The following RASGRF2 variants were observed in gnomAD, a reference collection of about 807,000 sequenced individuals.
The protein encoded by RASGRF2 is ras-specific guanine nucleotide-releasing factor 2.
In RASGRF2, 76 loss-of-function variants were observed where a neutral mutation model predicts 151.0. The ratio of observed to expected loss-of-function variants is 0.50; its 90% CI spans 0.42 to 0.61. The LOEUF (loss-of-function observed/expected upper bound fraction) is 0.61, where lower values mean the gene tolerates loss of function less well. Among genes scored for constraint, RASGRF2 ranks in the 20% least tolerant of loss-of-function variants. RASGRF2 has a pLI of 0.00. For synonymous variants in RASGRF2, 504 were observed against 566.5 expected, an observed-to-expected ratio of 0.89 and a Z score of 1.57; for missense variants, 1,148 against 1,564.6, an observed-to-expected ratio of 0.73 and a Z score of 4.49.
chr5:81,153,428 T>A (rs1754182382), intron 17 of RASGRF2, among the ~76,000 whole-genome samples: 1 of 151,894 alleles, frequency 6.6e-6, no homozygotes, highest in African/African-American at 2.4e-5. Flanking sequence ...ATAGCTGGCT[T>A]TGGAGGATGC....
At chr5:81,074,252 A>G (rs187297224) in intron 5 of RASGRF2, among the ~76,000 whole-genome samples, 1 of 152,322 alleles carries the variant, frequency 6.6e-6, no homozygotes, top group African/African-American at 2.4e-5. Context: ...GAAGATAGAC[A>G]ATGAACAGCA....
At chr5:81,082,210 C>G (rs1324303554) in intron 7 of RASGRF2, among the ~76,000 whole-genome samples, 2 of 151,736 alleles carry the variant, frequency 1.3e-5, no homozygotes, top group Admixed American at 1.3e-4. Flanking sequence ...CTATTTAATT[C>G]CCTCTTGGTG....
chr5:81,196,911 A>T (rs1169722553), intron 18 of RASGRF2, among the ~76,000 whole-genome samples: 1 of 152,246 alleles, frequency 6.6e-6, no homozygotes, highest in Non-Finnish European at 1.5e-5. Flanking sequence ...TTAACCGTTT[A>T]CAAACATCCC....
chr5:81,171,150 C>T (rs1380217611), intron 17 of RASGRF2, among the ~76,000 whole-genome samples: 1 of 152,124 alleles, frequency 6.6e-6, no homozygotes, highest in African/African-American at 2.4e-5. Context: ...CGGTGGCCAT[C>T]CCCCTCTCCT....
chr5:81,092,431 A>G (rs1752416791), intron 9 of RASGRF2, among the ~76,000 whole-genome samples: 1 of 152,136 alleles, frequency 6.6e-6, no homozygotes, highest in Non-Finnish European at 1.5e-5. Context: ...ATATTATTCT[A>G]TATAATTATG....
intron 17 of RASGRF2, among the ~76,000 whole-genome samples, chr5:81,133,937 G>A (rs763823465): frequency 1.3e-5 from 2 of 152,130 alleles, no homozygotes; most frequent in South Asian, 2.1e-4. Context: ...GGCTTGGATC[G>A]GTTTTTTAAA....
In RASGRF2 at chr5:81,208,582, C is replaced by T. The variant is rs540746856; in HGVS notation, c.3156+144C>T. The T allele has an allele frequency of 3.1e-4, 164 of 528,242 alleles. 2 individuals carry two copies. The African/African-American group carries it at 3.4e-3, about 11-fold the overall frequency. 32.7% of individuals were successfully genotyped at this position (528,242 alleles called of 1,614,324 possible). On this transcript the variant is annotated intron_variant, in intron 22 of 26. Coordinates refer to ENST00000265080, the MANE Select transcript of RASGRF2 (RefSeq NM_006909.3). ...TTTTTTTTTTTTTGAGACAGAGTCT[C>T]GCTCTGTCGCCCAGGCTGGAGTGCA...
At chr5:81,214,553 T>C (rs977632857) in intron 23 of RASGRF2, among the ~76,000 whole-genome samples, 10 of 152,214 alleles carry the variant, frequency 6.6e-5, no homozygotes, top group Non-Finnish European at 1.5e-4. Flanking sequence ...TTTGAAACTT[T>C]TTTGAGCAAG....
At chr5:81,037,905 A>AT (rs906418192) in intron 1 of RASGRF2, among the ~76,000 whole-genome samples, 26 of 152,076 alleles carry the variant, frequency 1.7e-4, no homozygotes, top group African/African-American at 5.8e-4. Context: ...ACTTCTTTAT[A>AT]TTTTTCTAAC....
chr5:81,199,871 C>T lies in RASGRF2; in HGVS notation c.2794-1459C>T, dbSNP rs191838746. ...CGAGATCACGTCACTGCACTCCAGC[C>T]CGGGTGACAGAGTGAGACTCCATCT... On this transcript the variant is annotated intron_variant, in intron 18 of 26. Coordinates refer to ENST00000265080, the MANE Select transcript of RASGRF2 (RefSeq NM_006909.3). Among the ~76,000 whole-genome samples, 49 of 136,576 alleles carry T rather than the reference C, an allele frequency of 3.6e-4. 1 individual carries two copies. The highest frequency in any genetic ancestry group is 1.3e-3 in the African/African-American group (46 of 35,796). The allele number at this position is 136,576 out of a possible 152,430, so 89.6% of individuals were successfully genotyped here. A position where few individuals can be genotyped will look rare whatever the true frequency, so the allele number is the denominator to read the frequency against.
chr5:80,985,929 G>A (rs928148046), intron 1 of RASGRF2, among the ~76,000 whole-genome samples: 1 of 151,952 alleles, frequency 6.6e-6, no homozygotes, highest in African/African-American at 2.4e-5. Context: ...CTTTAGGTGT[G>A]TGTGTGTGTG....
At position 81,219,815 on chromosome 5, in the gene RASGRF2, A is replaced by G. The variant is rs777124508; in HGVS notation, c.3621+37A>G. 2.0e-4 allele frequency: 297 copies of G among 1,490,040 alleles called. 1 individual carries two copies. Among genetic ancestry groups the G allele is most frequent in the Non-Finnish European group, 1.9e-5 (21 of 1,078,518 alleles). The allele number at this position is 1,490,040 out of a possible 1,614,324, so 92.3% of individuals were successfully genotyped here. ...TGGCTGTGAAGAAATTAATAAAGAA[A>G]AAAGGGGAAATTAATGAATTAGAAA... is the stretch of plus-strand genomic sequence containing the variant. On this transcript the variant is annotated intron_variant, in intron 26 of 26. Coordinates refer to ENST00000265080, the MANE Select transcript of RASGRF2 (RefSeq NM_006909.3).
chr5:81,078,899 A>G (rs1237344131), intron 5 of RASGRF2, among the ~76,000 whole-genome samples: 1 of 152,204 alleles, frequency 6.6e-6, no homozygotes, highest in Non-Finnish European at 1.5e-5. Context: ...TTCAGAGAAC[A>G]TAGACTAGAT....
intron 12 of RASGRF2, among the ~76,000 whole-genome samples, chr5:81,108,441 T>C (rs1284371506): frequency 6.6e-6 from 1 of 152,190 alleles, no homozygotes; most frequent in Non-Finnish European, 1.5e-5. Flanking sequence ...ACAGCATTAG[T>C]ATCAGTAGGG....
At chr5:81,061,652 G>T (rs1751436573) in intron 2 of RASGRF2, among the ~76,000 whole-genome samples, 1 of 151,362 alleles carries the variant, frequency 6.6e-6, no homozygotes, top group African/African-American at 2.4e-5. Context: ...GGGACTATAG[G>T]TGTATGCTAC....
intron 1 of RASGRF2, among the ~76,000 whole-genome samples, chr5:80,971,213 A>C (rs755813436): frequency 1.9e-4 from 29 of 152,184 alleles, no homozygotes; most frequent in Non-Finnish European, 3.4e-4. Flanking sequence ...CTCCAGAGCT[A>C]ACCTCATGCC....
At chr5:81,077,293 G>A (rs1323608617) in intron 5 of RASGRF2, among the ~76,000 whole-genome samples, 2 of 152,104 alleles carry the variant, frequency 1.3e-5, no homozygotes, top group African/African-American at 2.4e-5. Flanking sequence ...GGTGTTGACC[G>A]AGGTCAATGG....
chr5:81,225,530 T>A (rs1446550724), intron 26 of RASGRF2, 148 bp from the exon 27 acceptor site: 30 of 1,049,120 alleles, frequency 2.9e-5, no homozygotes, highest in East Asian at 1.2e-4. Context: ...TTTTTTTTTT[T>A]AACAATGGAA....
intron 17 of RASGRF2, among the ~76,000 whole-genome samples, chr5:81,158,977 A>G (rs962715034): frequency 6.6e-6 from 1 of 152,222 alleles, no homozygotes; most frequent in African/African-American, 2.4e-5. Flanking sequence ...TGTTCCTACA[A>G]AAACCTATAC....
Sources: gnomAD v4.1 joint callset for allele counts (sites outside exome capture counted in the v4.1 genomes callset) on GRCh38, gnomAD v4.1.1 for gene constraint, MANE v1.5 for transcripts, NCBI Gene and HGNC (gene_info 2026-07-23, HGNC 2026-07-21) for gene names.